SLC35F3: variants seen among roughly 807,000 people sequenced by gnomAD.
SLC35F3 encodes solute carrier family 35 member F3, also known as putative thiamine transporter SLC35F3.
Under a neutral mutation model 49.9 loss-of-function variants are expected in SLC35F3, and 25 were observed. That is an observed-to-expected ratio of 0.50 (90% CI 0.37 to 0.70). The LOEUF (loss-of-function observed/expected upper bound fraction) is 0.70, where lower values mean the gene tolerates loss of function less well. Among genes scored for constraint, SLC35F3 ranks in the 30% least tolerant of loss-of-function variants. The probability of loss-of-function intolerance (pLI) is 0.00; values close to 1 mark genes in which losing one functional copy is unlikely to be tolerated. For synonymous variants in SLC35F3, 275 were observed against 265.4 expected (o/e 1.04, Z -0.35); for missense variants, 525 against 639.8 (o/e 0.82, Z 1.94).
chr1:233,939,770 T>G (rs1558184138), intron 2 of SLC35F3, among the ~76,000 whole-genome samples: 2 of 152,172 alleles, frequency 1.3e-5, no homozygotes, highest in Non-Finnish European at 2.9e-5. Flanking sequence ...TGAAGCCTGT[T>G]TAGGAGAATG....
chr1:233,961,375 T>C (rs966552138), intron 2 of SLC35F3, among the ~76,000 whole-genome samples: 6 of 151,242 alleles, frequency 4.0e-5, no homozygotes, highest in East Asian at 1.9e-4. Context: ...GCTTGAGAGA[T>C]CTTTCAGAAC....
intron 2 of SLC35F3, among the ~76,000 whole-genome samples, chr1:234,211,211 C>T (rs527809903): frequency 4.5e-4 from 68 of 152,370 alleles, no homozygotes; most frequent in African/African-American, 1.6e-3. Flanking sequence ...GATGCCCAGA[C>T]AGAAGTTTGC....
At chr1:233,933,349 T>C (rs1316845581) in intron 2 of SLC35F3, among the ~76,000 whole-genome samples, 1 of 152,184 alleles carries the variant, frequency 6.6e-6, no homozygotes, top group African/African-American at 2.4e-5. Context: ...AAGTTATTTT[T>C]TAACTTTTTT....
At chr1:234,067,495 C>T (rs1253891941) in intron 2 of SLC35F3, among the ~76,000 whole-genome samples, 3 of 152,164 alleles carry the variant, frequency 2.0e-5, no homozygotes, top group Non-Finnish European at 2.9e-5. Flanking sequence ...GAGTGGTCTT[C>T]TTGACTCTGA....
In SLC35F3 at chr1:233,904,972, T is replaced by G; in HGVS notation, c.-106T>G. On this transcript the variant is annotated 5_prime_UTR_variant, in exon 1 of 8. Transcript: ENST00000366618. ...CGGCCGGCGCGGCGCAGACCCTCGG[T>G]GGGCAGCGCACTCCAGTCTTCCCAG... 1 of 1,291,304 alleles carries G rather than the reference T, an allele frequency of 7.7e-7. No individual in the cohort carries two copies. The highest frequency in any genetic ancestry group is 1.1e-6 in the Non-Finnish European group (1 of 936,038). 80.0% of individuals were successfully genotyped at this position (1,291,304 alleles called of 1,614,324 possible). A position where few individuals can be genotyped will look rare whatever the true frequency, so the allele number is the denominator to read the frequency against.
At chr1:234,316,070 T>G (rs1281872289) in intron 4 of SLC35F3, among the ~76,000 whole-genome samples, 2 of 152,186 alleles carry the variant, frequency 1.3e-5, no homozygotes, top group Non-Finnish European at 2.9e-5. Context: ...TTTGTAGCCT[T>G]GATTGGCAGG....
intron 3 of SLC35F3, among the ~76,000 whole-genome samples, chr1:234,275,031 C>T (rs76589004): frequency 0.057 from 8,662 of 152,218 alleles, 287 homozygotes; most frequent in African/African-American, 0.086. Flanking sequence ...CATATATTGC[C>T]ACAACCCTTC....
intron 2 of SLC35F3, among the ~76,000 whole-genome samples, chr1:234,172,881 G>C (rs906240520): frequency 1.3e-5 from 2 of 152,190 alleles, no homozygotes; most frequent in Non-Finnish European, 2.9e-5. Flanking sequence ...ACTATGCAGT[G>C]CGTGGCTGTG....
At chr1:234,270,083 A>G (rs182520529) in intron 3 of SLC35F3, among the ~76,000 whole-genome samples, 62 of 152,306 alleles carry the variant, frequency 4.1e-4, no homozygotes, top group Middle Eastern at 3.4e-3. Context: ...CCACAAACCC[A>G]TGCCCATTGT....
intron 3 of SLC35F3, among the ~76,000 whole-genome samples, chr1:234,281,412 T>A (rs1232714727): frequency 6.6e-6 from 1 of 152,206 alleles, no homozygotes. Context: ...TGCCTCCTTA[T>A]GGCAGCCCAG....
intron 4 of SLC35F3, among the ~76,000 whole-genome samples, chr1:234,315,280 G>A (rs989279366): frequency 4.6e-5 from 7 of 152,178 alleles, no homozygotes; most frequent in African/African-American, 9.7e-5. Context: ...AGAGAAGTAC[G>A]TAACTCAGAC....
chr1:234,268,059 C>T (rs1198477234), intron 3 of SLC35F3, among the ~76,000 whole-genome samples: 2 of 151,850 alleles, frequency 1.3e-5, no homozygotes, highest in African/African-American at 4.8e-5. Context: ...GGGTGGCGGC[C>T]GGGCAGAGGC....
At chr1:233,906,496 G>T (rs1256392229) in intron 2 of SLC35F3, among the ~76,000 whole-genome samples, 1 of 152,158 alleles carries the variant, frequency 6.6e-6, no homozygotes, top group Non-Finnish European at 1.5e-5. Context: ...CAAGAGAGAG[G>T]TTGATTATGA....
At chr1:234,246,839 T>C (rs1406610588) in intron 3 of SLC35F3, among the ~76,000 whole-genome samples, 1 of 152,202 alleles carries the variant, frequency 6.6e-6, no homozygotes, top group Non-Finnish European at 1.5e-5. Flanking sequence ...TGTGGCTCTG[T>C]AGGTTGAGTG....
intron 2 of SLC35F3, among the ~76,000 whole-genome samples, chr1:234,165,061 TGTGTGTGTGTG>T (rs1666294220): frequency 6.6e-6 from 1 of 151,542 alleles, no homozygotes; most frequent in African/African-American, 2.4e-5. Context: ...TGTGTGTGTG[TGTGTGTGTGTG>T]TGTGTGTGTG....
intron 2 of SLC35F3, among the ~76,000 whole-genome samples, chr1:234,072,576 A>G (rs549296317): frequency 6.6e-5 from 10 of 152,316 alleles, no homozygotes; most frequent in Admixed American, 2.0e-4. Flanking sequence ...GCCATTTTCT[A>G]TGCGGTGACC....
At chr1:233,984,488 C>T (rs932689868) in intron 2 of SLC35F3, among the ~76,000 whole-genome samples, 2 of 152,122 alleles carry the variant, frequency 1.3e-5, no homozygotes, top group Non-Finnish European at 2.9e-5. Context: ...AAGCCACGGG[C>T]AAAATTGCAA....
intron 3 of SLC35F3, among the ~76,000 whole-genome samples, chr1:234,279,622 G>A (rs1018997865): frequency 1.3e-5 from 2 of 152,140 alleles, no homozygotes; most frequent in African/African-American, 4.8e-5. Context: ...GAACCTCACT[G>A]AAATCGTGCA....
intron 2 of SLC35F3, among the ~76,000 whole-genome samples, chr1:233,944,322 T>C (rs1662479131): frequency 6.6e-6 from 1 of 152,200 alleles, no homozygotes; most frequent in African/African-American, 2.4e-5. Flanking sequence ...GTTGAACACT[T>C]GCTTCATTTA....
Sources: gnomAD v4.1 joint callset for allele counts (sites outside exome capture counted in the v4.1 genomes callset) on GRCh38, gnomAD v4.1.1 for gene constraint, MANE v1.5 for transcripts, NCBI Gene and HGNC (gene_info 2026-07-23, HGNC 2026-07-21) for gene names.